Variants in ZNF639 observed in about 807,000 individuals in gnomAD.
The protein encoded by ZNF639 is zinc finger amplified in esophageal squamous cell carcinomas 1.
Under a neutral mutation model 39.8 loss-of-function variants are expected in ZNF639, and 20 were observed. That is an observed-to-expected ratio of 0.50 (90% CI 0.35 to 0.73). The LOEUF (loss-of-function observed/expected upper bound fraction) is 0.73, where lower values mean the gene tolerates loss of function less well. Ranked by LOEUF, ZNF639 falls within the 30% of genes least tolerant of loss-of-function variation. The probability of loss-of-function intolerance (pLI) is 0.00; values close to 1 mark genes in which losing one functional copy is unlikely to be tolerated. For synonymous variants in ZNF639, 176 were observed against 189.8 expected, an observed-to-expected ratio of 0.93 and a Z score of 0.60; for missense variants, 477 against 566.2, an observed-to-expected ratio of 0.84 and a Z score of 1.60.
At chr3:179,325,371 CTG>C (rs1727528449) in intron 1 of ZNF639, 1 of 152,216 alleles carries the variant, frequency 6.6e-6, no homozygotes, top group African/African-American at 2.4e-5. Context: ...TCATGGTTGT[CTG>C]TTTCTTTAGG....
intron 1 of ZNF639, among the ~76,000 whole-genome samples, chr3:179,324,246 T>C (rs1407240257): frequency 1.3e-5 from 2 of 152,244 alleles, no homozygotes; most frequent in Non-Finnish European, 2.9e-5. Context: ...TATTTGATGA[T>C]TGCTGACTGC....
chr3:179,337,355 T>G lies in ZNF639; in HGVS notation c.*2933T>G, dbSNP rs1711571604. The stretch of plus-strand genomic sequence containing the variant: ...CATATAATTTTGTACTTTTTTTTTT[T>G]TCAGACAGTCTTGCTCTGTTGCCCA... On this transcript the variant is annotated 3_prime_UTR_variant, in exon 6 of 6. Transcript: ENST00000496856. The G allele has an allele frequency of 6.6e-6, 1 of 151,926 alleles. No individual in the cohort carries two copies. The highest frequency in any genetic ancestry group is 1.5e-5 in the Non-Finnish European group (1 of 67,982). 9.4% of individuals were successfully genotyped at this position (151,926 alleles called of 1,614,324 possible). A position where few individuals can be genotyped will look rare whatever the true frequency, so the allele number is the denominator to read the frequency against.
At chr3:179,330,312 A>G (rs2108501035) in intron 4 of ZNF639, among the ~76,000 whole-genome samples, 1 of 152,234 alleles carries the variant, frequency 6.6e-6, no homozygotes, top group East Asian at 1.9e-4. Flanking sequence ...GACAGTCTTC[A>G]TTCTGTCACC....
At chr3:179,323,386 G>A in intron 1 of ZNF639, 95 bp downstream of exon 1, 1 of 985,620 alleles carries the variant, frequency 1.0e-6, no homozygotes, top group Non-Finnish European at 1.2e-6. Context: ...GGGCGGGAGA[G>A]ACCGGAGCTC....
chr3:179,333,194 A>AT (rs534271597), intron 5 of ZNF639, 71 bp downstream of exon 5: 62 of 1,554,124 alleles, frequency 4.0e-5, no homozygotes, highest in South Asian at 1.5e-4. Flanking sequence ...CATGCAATAA[A>AT]TTTTTTTTTG....
upstream of ZNF639, chr3:179,322,990 C>G (rs1162078703): frequency 6.1e-6 from 6 of 985,264 alleles, no homozygotes; most frequent in Non-Finnish European, 7.2e-6. Context: ...TCCCTGCCCC[C>G]ACCTCACCTC....
intron 3 of ZNF639, among the ~76,000 whole-genome samples, chr3:179,329,403 GTTATGTT>G (rs1469320421): frequency 2.0e-5 from 3 of 152,100 alleles, no homozygotes; most frequent in African/African-American, 7.2e-5. Context: ...TTTCAAAGTT[GTTATGTT>G]TTAGAGTATG....
Position 179,338,452 on chromosome 3 carries a change from T to TA in ZNF639, c.*4031dup, listed in dbSNP as rs543267216. Reference sequence around the variant, plus strand: ...TTTTGCCATTTTAAATCACCTTTCTTACGTTTCTCTGAATTGTATATTATT... The same window carrying TA: ...TTTTGCCATTTTAAATCACCTTTCTTAACGTTTCTCTGAATTGTATATTATT... On this transcript the variant is annotated 3_prime_UTR_variant, in exon 6 of 6. Coordinates refer to ENST00000496856, the MANE Select transcript of ZNF639 (RefSeq NM_001303426.2). 8 of 152,346 alleles carry TA rather than the reference T, an allele frequency of 5.3e-5. No individual in the cohort carries two copies. The South Asian group carries it at 1.7e-3, about 32-fold the overall frequency. 9.4% of individuals were successfully genotyped at this position (152,346 alleles called of 1,614,324 possible). A position where few individuals can be genotyped will look rare whatever the true frequency, so the allele number is the denominator to read the frequency against.
chr3:179,333,486 A>T lies in ZNF639; in HGVS notation c.522A>T (p.Lys174Asn), dbSNP rs747400388. The T allele has an allele frequency of 1.2e-6, 2 of 1,614,014 alleles. No homozygotes were observed. Among genetic ancestry groups the T allele is most frequent in the East Asian group, 4.5e-5 (2 of 44,898 alleles). ...QDQTDEEPPA[K>N]LCKILDKSQA... is the part of the protein sequence containing the mutation. ...AAACTGATGAAGAACCGCCAGCTAA[A>T]CTTTGTAAAATTCTTGACAAGAGCC... is the stretch of plus-strand genomic sequence containing the variant. Residue 174 changes from lysine to asparagine, a missense_variant, in exon 6 of 6, where the codon AAA (lysine) becomes AAT (asparagine). By Grantham distance (94) the Lys-to-Asn change is moderately conservative (BLOSUM62 0). Coordinates refer to ENST00000496856, the MANE Select transcript of ZNF639 (RefSeq NM_001303426.2).
rs775086540 is a variant in ZNF639 at position 179,334,122 on chromosome 3, C to T, written c.1158C>T (p.His386=). 1 of 1,614,074 alleles carries T rather than the reference C, an allele frequency of 6.2e-7. No homozygotes were observed. The highest frequency in any genetic ancestry group is 8.5e-7 in the Non-Finnish European group (1 of 1,179,974). Residue 386 remains histidine, a synonymous_variant, in exon 6 of 6, where the codon CAC becomes CAT. Coordinates refer to ENST00000496856, the MANE Select transcript of ZNF639 (RefSeq NM_001303426.2). ...CQVCGFRSRL[H]TNVNRHVAIE... is the part of the protein sequence containing the mutation. ...TATGTGGTTTTCGGAGTAGACTTCACACAAATGTTAACAGGCATGTTGCTA... is the reference window on the plus strand; with the variant it reads ...TATGTGGTTTTCGGAGTAGACTTCATACAAATGTTAACAGGCATGTTGCTA...
Position 179,327,585 on chromosome 3 carries a change from T to C in ZNF639, c.-58T>C, listed in dbSNP as rs1727669369. ...GGCATTTTTTACTGTCTACAGAAAC[T>C]TATTGTAATTCATTTTTCCTCACTC... is the stretch of plus-strand genomic sequence containing the variant. On this transcript the variant is annotated 5_prime_UTR_variant, in exon 2 of 6. Coordinates refer to ENST00000496856, the MANE Select transcript of ZNF639 (RefSeq NM_001303426.2). The C allele has an allele frequency of 6.6e-6, 1 of 152,230 alleles. No homozygotes were observed. Among genetic ancestry groups the C allele is most frequent in the African/African-American group, 2.4e-5 (1 of 41,456 alleles). The allele number at this position is 152,230 out of a possible 1,614,324, so 9.4% of individuals were successfully genotyped here. A position where few individuals can be genotyped will look rare whatever the true frequency, so the allele number is the denominator to read the frequency against.
At chr3:179,331,512 C>T (rs1418266201) in intron 4 of ZNF639, among the ~76,000 whole-genome samples, 1 of 152,176 alleles carries the variant, frequency 6.6e-6, no homozygotes, top group African/African-American at 2.4e-5. Context: ...GGTGCGGTGG[C>T]TCACGCCTGT....
chr3:179,330,433 C>T (rs1399801848), intron 4 of ZNF639, among the ~76,000 whole-genome samples: 1 of 152,106 alleles, frequency 6.6e-6, no homozygotes, highest in Non-Finnish European at 1.5e-5. Context: ...CAGGCATGCA[C>T]CACGATGCCT....
At chr3:179,328,382 T>C in intron 3 of ZNF639, 31 bp downstream of exon 3, 1 of 1,462,986 alleles carries the variant, frequency 6.8e-7, no homozygotes, top group South Asian at 1.3e-5. Context: ...AAGTTGGGTA[T>C]GGATTAATTC....
chr3:179,326,571 T>C (rs1415542446), intron 1 of ZNF639, among the ~76,000 whole-genome samples: 5 of 152,136 alleles, frequency 3.3e-5, no homozygotes, highest in Admixed American at 3.3e-4. Flanking sequence ...TGGTACATAA[T>C]TGGTGGTCAG....
chr3:179,333,148 T>G, intron 5 of ZNF639, 25 bp downstream of exon 5: 1 of 1,576,526 alleles, frequency 6.3e-7, no homozygotes, highest in Non-Finnish European at 8.6e-7. Flanking sequence ...TTTATAGCAT[T>G]GATATATTTT....
chr3:179,330,813 C>T (rs1576990815), intron 4 of ZNF639, among the ~76,000 whole-genome samples: 1 of 152,198 alleles, frequency 6.6e-6, no homozygotes, highest in Non-Finnish European at 1.5e-5. Flanking sequence ...ACAACTTGCA[C>T]TTAAGTTAGA....
chr3:179,323,661 T>G (rs1727411312), intron 1 of ZNF639: 1 of 152,460 alleles, frequency 6.6e-6, no homozygotes, highest in African/African-American at 2.4e-5. Context: ...GACGGGCATT[T>G]GTCTGGCTGC....
rs1171066223 is a variant in ZNF639 at position 179,336,628 on chromosome 3, C to T, written c.*2206C>T. The T allele has an allele frequency of 6.6e-6, 1 of 152,188 alleles. No individual in the cohort carries two copies. Among genetic ancestry groups the T allele is most frequent in the Admixed American group, 6.5e-5 (1 of 15,282 alleles). 9.4% of individuals were successfully genotyped at this position (152,188 alleles called of 1,614,324 possible). ...CATCTGGTCTAAACCCTCCAGTTTT[C>T]TAAGTTCCTTGCAGAAATAGAAATG... On this transcript the variant is annotated 3_prime_UTR_variant, in exon 6 of 6. Transcript: ENST00000496856.
Sources: allele counts gnomAD v4.1 joint callset (sites outside exome capture counted in the v4.1 genomes callset), GRCh38; gene constraint gnomAD v4.1.1; transcripts MANE v1.5; gene names NCBI Gene and HGNC (gene_info 2026-07-23, HGNC 2026-07-21).